Variants in FLI1 observed in about 807,000 individuals in gnomAD.
FLI1 encodes Fli-1 proto-oncogene, ETS transcription factor.
Under a neutral mutation model 53.1 loss-of-function variants are expected in FLI1, and 13 were observed. That is an observed-to-expected ratio of 0.24 (90% CI 0.16 to 0.39). The LOEUF (loss-of-function observed/expected upper bound fraction) is 0.39. FLI1 is among the 10% of genes least tolerant of loss of function. The pLI is 1.00. For synonymous variants in FLI1, 244 were observed against 236.7 expected (o/e 1.03, Z -0.28); for missense variants, 424 against 600.5 (o/e 0.71, Z 3.07).
At chr11:128,778,940 C>T (rs1941827554) in intron 4 of FLI1, among the ~76,000 whole-genome samples, 2 of 149,876 alleles carry the variant, frequency 1.3e-5, no homozygotes, top group African/African-American at 2.5e-5. Flanking sequence ...GAATCTAGGT[C>T]CCTTGGGAGA....
chr11:128,731,934 C>T (rs1396342759), intron 1 of FLI1, among the ~76,000 whole-genome samples: 2 of 151,038 alleles, frequency 1.3e-5, no homozygotes, highest in Non-Finnish European at 2.9e-5. Flanking sequence ...AACCGGGAGG[C>T]GGAGGTTGCA....
intron 5 of FLI1, chr11:128,804,420 G>A (rs966048110): frequency 1.3e-5 from 2 of 152,228 alleles, no homozygotes; most frequent in Non-Finnish European, 2.9e-5. Flanking sequence ...CATACCAAGA[G>A]AAAGGGAAGG....
At chr11:128,689,235 G>A (rs1239460386), upstream of FLI1, among the ~76,000 whole-genome samples, 2 of 152,194 alleles carry the variant, frequency 1.3e-5, no homozygotes, top group Non-Finnish European at 2.9e-5. Context: ...GGATGGAGGC[G>A]TGGAGGGACC....
intron 2 of FLI1, among the ~76,000 whole-genome samples, chr11:128,766,648 TC>T (rs1210139890): frequency 6.6e-6 from 1 of 151,896 alleles, no homozygotes; most frequent in Non-Finnish European, 1.5e-5. Context: ...TGGGCTGATC[TC>T]CCTTCTCCTG....
At chr11:128,729,077 T>A (rs919792450) in intron 1 of FLI1, among the ~76,000 whole-genome samples, 2 of 152,178 alleles carry the variant, frequency 1.3e-5, no homozygotes, top group Admixed American at 1.3e-4. Flanking sequence ...GACGGTCATT[T>A]GAGTTTCAGC....
chr11:128,729,095 A>G (rs1939595047), intron 1 of FLI1, among the ~76,000 whole-genome samples: 1 of 152,166 alleles, frequency 6.6e-6, no homozygotes, highest in South Asian at 2.1e-4. Context: ...AGCTGCAGGG[A>G]TTCTTCTGCT....
chr11:128,706,779 A>G lies in FLI1; in HGVS notation c.18+12503A>G, dbSNP rs138357990. ...GAAGAGGGCACTTTCCATAGGAACCACATGGGTAAGTGAGTAATCATGTAG... is the reference window on the plus strand; with the variant it reads ...GAAGAGGGCACTTTCCATAGGAACCGCATGGGTAAGTGAGTAATCATGTAG... On this transcript the variant is annotated intron_variant, in intron 1 of 8. Coordinates refer to ENST00000527786, the MANE Select transcript of FLI1 (RefSeq NM_002017.5). Among the ~76,000 whole-genome samples the G allele has an allele frequency of 1.2e-4, 18 of 152,372 alleles. No individual in the cohort carries two copies. The East Asian group carries it at 3.5e-3, about 29-fold the overall frequency.
intron 1 of FLI1, among the ~76,000 whole-genome samples, chr11:128,696,366 G>A (rs186719796): frequency 5.9e-5 from 9 of 152,302 alleles, no homozygotes; most frequent in East Asian, 3.9e-4. Flanking sequence ...TTTTCTGTTC[G>A]CATGTGACCT....
intron 5 of FLI1, 136 bp from the exon 6 acceptor site, chr11:128,805,230 T>C (rs1565510026): frequency 3.5e-6 from 2 of 572,742 alleles, no homozygotes; most frequent in East Asian, 6.1e-5. Flanking sequence ...GTGAGTACAC[T>C]TCCAGAATTT....
At chr11:128,805,305 C>A (rs936139246) in intron 5 of FLI1, 61 bp from the exon 6 acceptor site, 2 of 974,800 alleles carry the variant, frequency 2.1e-6, no homozygotes, top group African/African-American at 3.3e-5. Flanking sequence ...AGATAATGCT[C>A]ATGCAACTTT....
At chr11:128,722,419 C>A (rs1939291590) in intron 1 of FLI1, among the ~76,000 whole-genome samples, 1 of 152,276 alleles carries the variant, frequency 6.6e-6, no homozygotes, top group Admixed American at 6.5e-5. Flanking sequence ...ATTATGGACA[C>A]CTTGGCTGCT....
At chr11:128,778,140 C>A (rs549521734) in intron 4 of FLI1, among the ~76,000 whole-genome samples, 1 of 152,288 alleles carries the variant, frequency 6.6e-6, no homozygotes, top group African/African-American at 2.4e-5. Flanking sequence ...GCATACACAC[C>A]CATATACAAA....
intron 1 of FLI1, among the ~76,000 whole-genome samples, chr11:128,739,542 C>A (rs1940045725): frequency 6.6e-6 from 1 of 152,148 alleles, no homozygotes; most frequent in African/African-American, 2.4e-5. Context: ...TCCTTTGGGT[C>A]TGCCCACTAC....
At chr11:128,715,372 G>C (rs1938966664) in intron 1 of FLI1, among the ~76,000 whole-genome samples, 1 of 152,082 alleles carries the variant, frequency 6.6e-6, no homozygotes, top group Admixed American at 6.5e-5. Context: ...GTTGTTTAAA[G>C]AAAACAAAAA....
intron 1 of FLI1, among the ~76,000 whole-genome samples, chr11:128,722,600 C>T (rs1591753854): frequency 6.6e-6 from 1 of 152,194 alleles, no homozygotes; most frequent in East Asian, 1.9e-4. Flanking sequence ...GTGACCTCCA[C>T]AGGAAAGTGC....
intron 1 of FLI1, among the ~76,000 whole-genome samples, chr11:128,745,365 C>A (rs1377569748): frequency 6.6e-6 from 1 of 152,138 alleles, no homozygotes. Flanking sequence ...AAATGGACCT[C>A]CCCAGGCCCC....
chr11:128,725,968 C>G (rs1939457463), intron 1 of FLI1, among the ~76,000 whole-genome samples: 1 of 152,170 alleles, frequency 6.6e-6, no homozygotes, highest in Non-Finnish European at 1.5e-5. Flanking sequence ...CCGGAGGGGA[C>G]TGAGGAGTCC....
chr11:128,805,418 T>C lies in FLI1; in HGVS notation c.708T>C (p.Ser236=). Residue 236 remains serine (S), a synonymous_variant, in exon 6 of 9, where the codon TCT becomes TCC. Transcript: ENST00000527786. ...GAGCTTGGGGCAATAACATGAATTC[T>C]GGCCTCAACAAAAGTAAGTAAATGT... is the stretch of plus-strand genomic sequence containing the variant. ...RRGAWGNNMN[S]GLNKSPPLGG... is the part of the protein sequence containing the mutation. The C allele has an allele frequency of 6.3e-7, 1 of 1,578,574 alleles. No individual in the cohort carries two copies. The highest frequency in any genetic ancestry group is 8.6e-7 in the Non-Finnish European group (1 of 1,158,032).
intron 1 of FLI1, among the ~76,000 whole-genome samples, chr11:128,757,124 T>TCTTTC (rs1940924785): frequency 1.5e-5 from 2 of 130,358 alleles, no homozygotes; most frequent in African/African-American, 2.8e-5. Context: ...CTCTTTCTGT[T>TCTTTC]TTTGTAGAAA....
Sources: gnomAD v4.1 joint callset for allele counts (sites outside exome capture counted in the v4.1 genomes callset) on GRCh38, gnomAD v4.1.1 for gene constraint, MANE v1.5 for transcripts, NCBI Gene and HGNC (gene_info 2026-07-23, HGNC 2026-07-21) for gene names.